XBP1: variants seen among roughly 807,000 people sequenced by gnomAD.
XBP1 encodes X-box binding protein 1.
XBP1 carries 18 observed loss-of-function variants against 34.6 expected under a neutral mutation model. That is an observed-to-expected ratio of 0.52 (90% CI 0.36 to 0.77). XBP1 has a LOEUF of 0.77. Ranked by LOEUF, XBP1 falls within the 30% of genes least tolerant of loss-of-function variation. The probability of loss-of-function intolerance (pLI) is 0.00; values close to 1 mark genes in which losing one functional copy is unlikely to be tolerated. For synonymous variants in XBP1, 191 were observed against 193.4 expected (o/e 0.99, Z 0.11); for missense variants, 422 against 464.6 (o/e 0.91, Z 0.84).
chr22:28,800,237 C>A, intron 1 of XBP1, 61 bp downstream of exon 1: 1 of 1,525,786 alleles, frequency 6.6e-7, no homozygotes. Context: ...CAGCCCCTGC[C>A]CCTGCCCCTG....
chr22:28,796,126 G>A, intron 4 of XBP1: 2 of 1,613,628 alleles, frequency 1.2e-6, no homozygotes, highest in Non-Finnish European at 1.7e-6. Flanking sequence ...TGCACCTGCT[G>A]CAGAGGTGCA....
chr22:28,795,614 G>C, exon 6 of XBP1: 1 of 1,614,036 alleles, frequency 6.2e-7, no homozygotes, highest in South Asian at 1.1e-5. Context: ...GGCTGGTAAG[G>C]AACTGGGTCC....
chr22:28,797,557 G>A (rs1601437605), intron 2 of XBP1, among the ~76,000 whole-genome samples: 1 of 150,052 alleles, frequency 6.7e-6, no homozygotes, highest in Non-Finnish European at 1.5e-5. Context: ...AAGGCAGGTG[G>A]ATCACCTGAG....
chr22:28,800,299 T>C, exon 1 of XBP1: 1 of 1,554,462 alleles, frequency 6.4e-7, no homozygotes, highest in East Asian at 2.4e-5. Context: ...CTCGCCCACC[T>C]CCTCAGCGCC....
At chr22:28,797,738 G>A (rs1017358907) in intron 2 of XBP1, among the ~76,000 whole-genome samples, 3 of 151,732 alleles carry the variant, frequency 2.0e-5, no homozygotes, top group African/African-American at 7.3e-5. Flanking sequence ...AGCCGAGATT[G>A]CACCACTGCA....
Position 28,800,413 on chromosome 22 carries a change from GC to G in XBP1, c.111del (p.Leu38SerfsTer30). ...GCCCCTCTCTGGGCTGGCACCATGAGCGGCAGGGCCTGGCCGGCCGGGGCTC... is the reference window on the plus strand; with the variant it reads ...GCCCCTCTCTGGGCTGGCACCATGAGGGCAGGGCCTGGCCGGCCGGGGCTC... On this transcript the variant is annotated frameshift_variant, in exon 1 of 6. Transcript: ENST00000344347. LOFTEE classifies it high-confidence loss of function. 1 of 1,513,512 alleles carries G rather than the reference GC, an allele frequency of 6.6e-7. No homozygotes were observed. The highest frequency in any genetic ancestry group is 8.8e-7 in the Non-Finnish European group (1 of 1,135,264). 93.8% of individuals were successfully genotyped at this position (1,513,512 alleles called of 1,614,324 possible). A position where few individuals can be genotyped will look rare whatever the true frequency, so the allele number is the denominator to read the frequency against.
downstream of XBP1, chr22:28,794,665 AT>A (rs2031709624): frequency 6.6e-6 from 1 of 152,338 alleles, no homozygotes; most frequent in Non-Finnish European, 1.5e-5. Flanking sequence ...TACATAGTAA[AT>A]TTCTATAATT....
At chr22:28,795,896 A>G (rs1569204122) in intron 5 of XBP1, 151 bp downstream of exon 5, 11 of 1,236,754 alleles carry the variant, frequency 8.9e-6, no homozygotes, top group African/African-American at 1.5e-5. Context: ...CATGTTCTAT[A>G]TTACCTGGAA....
chr22:28,798,938 A>G, intron 2 of XBP1, 119 bp downstream of exon 2: 1 of 770,060 alleles, frequency 1.3e-6, no homozygotes, highest in Non-Finnish European at 2.1e-6. Context: ...ACTTTTAATC[A>G]TATATTCAAT....
At chr22:28,800,462 C>T (rs2031861524) in exon 1 of XBP1, 2 of 1,476,422 alleles carry the variant, frequency 1.4e-6, no homozygotes, top group African/African-American at 1.5e-5. Context: ...CGGGCTGCCC[C>T]GACAGAAGCA....
chr22:28,796,578 G>A (rs980610913), intron 3 of XBP1: 1 of 181,834 alleles, frequency 5.5e-6, no homozygotes, highest in Non-Finnish European at 1.1e-5. Flanking sequence ...GTAAAACTGT[G>A]CTACTGTCAA....
exon 3 of XBP1, chr22:28,797,096 T>G: frequency 3.1e-6 from 5 of 1,611,058 alleles, no homozygotes; most frequent in Non-Finnish European, 4.2e-6. Flanking sequence ...CGCCTCCTCT[T>G]CAGCAACCAG....
At chr22:28,798,098 G>A (rs2031783429) in intron 2 of XBP1, among the ~76,000 whole-genome samples, 1 of 152,166 alleles carries the variant, frequency 6.6e-6, no homozygotes, top group South Asian at 2.1e-4. Context: ...AACCTTTAGT[G>A]AATTTCTGGC....
chr22:28,800,040 C>G, intron 1 of XBP1: 1 of 776,868 alleles, frequency 1.3e-6, no homozygotes, highest in Non-Finnish European at 2.4e-6. Flanking sequence ...CCCGCATCCC[C>G]AGCTCTGGTC....
intron 5 of XBP1, 127 bp from the exon 6 acceptor site, chr22:28,795,859 C>A: frequency 8.2e-7 from 1 of 1,224,326 alleles, no homozygotes; most frequent in Non-Finnish European, 1.1e-6. Context: ...TCGGGACCCA[C>A]CAGACCCATT....
intron 1 of XBP1, among the ~76,000 whole-genome samples, 193 bp from the exon 2 acceptor site, chr22:28,799,346 C>T (rs2031820522): frequency 6.6e-6 from 1 of 152,194 alleles, no homozygotes. Context: ...AGCTCGAAGA[C>T]CTGCTTTATT....
chr22:28,800,340 T>A, exon 1 of XBP1: 1 of 1,550,370 alleles, frequency 6.5e-7, no homozygotes, highest in South Asian at 1.2e-5. Context: ...CGTGAGGCGC[T>A]GTCGCTTGCG....
At chr22:28,800,118 G>T in intron 1 of XBP1, 180 bp downstream of exon 1, 1 of 751,152 alleles carries the variant, frequency 1.3e-6, no homozygotes, top group Non-Finnish European at 2.3e-6. Flanking sequence ...CAGCGTGGCG[G>T]ATCCGGTCAG....
exon 1 of XBP1, chr22:28,800,319 G>T: frequency 1.3e-6 from 2 of 1,553,158 alleles, no homozygotes; most frequent in East Asian, 2.5e-5. Flanking sequence ...CTTCTCCTCG[G>T]GGCTCAGGTG....
Sources: allele counts gnomAD v4.1 joint callset (sites outside exome capture counted in the v4.1 genomes callset), GRCh38; gene constraint gnomAD v4.1.1; transcripts MANE v1.5; gene names NCBI Gene and HGNC (gene_info 2026-07-23, HGNC 2026-07-21).